The following MTSS1 variants were observed in gnomAD, a reference collection of about 807,000 sequenced individuals.
MTSS1 encodes protein MTSS 1.
MTSS1 carries 18 observed loss-of-function variants against 79.0 expected under a neutral mutation model. The ratio of observed to expected loss-of-function variants is 0.23; its 90% CI spans 0.16 to 0.34. MTSS1 has a LOEUF of 0.34. MTSS1 is among the 10% of genes least tolerant of loss of function. The pLI, the probability that MTSS1 is intolerant of heterozygous loss-of-function variation, is 1.00. For synonymous variants in MTSS1, 341 were observed against 368.6 expected (o/e 0.93, Z 0.86); for missense variants, 815 against 986.2 (o/e 0.83, Z 2.33).
In MTSS1 at chr8:124,589,830, A is replaced by T. The variant is rs1034442624; in HGVS notation, c.294-119T>A. 76 of 705,220 alleles carry T rather than the reference A, an allele frequency of 1.1e-4. No individual in the cohort carries two copies. The African/African-American group carries it at 1.3e-3, about 12-fold the overall frequency. The allele number at this position is 705,220 out of a possible 1,614,324, so 43.7% of individuals were successfully genotyped here. A position where few individuals can be genotyped will look rare whatever the true frequency, so the allele number is the denominator to read the frequency against. On this transcript the variant is annotated intron_variant, in intron 4 of 13. Coordinates refer to ENST00000518547, the MANE Select transcript of MTSS1 (RefSeq NM_014751.6). ...AATTACCCGAAACGTTCTCATCTAAACCCCGGGGCTCCAGAACAGCCATGT... is the reference window on the plus strand; with the variant it reads ...AATTACCCGAAACGTTCTCATCTAATCCCCGGGGCTCCAGAACAGCCATGT...
intron 3 of MTSS1, among the ~76,000 whole-genome samples, chr8:124,676,173 A>C (rs145981123): frequency 2.6e-5 from 4 of 152,382 alleles, no homozygotes; most frequent in African/African-American, 9.6e-5. Context: ...GGTATTGATT[A>C]ATAATTTGAT....
At chr8:124,645,344 G>C (rs991345659) in intron 3 of MTSS1, among the ~76,000 whole-genome samples, 5 of 152,266 alleles carry the variant, frequency 3.3e-5, no homozygotes, top group African/African-American at 1.2e-4. Flanking sequence ...CTATGATTGC[G>C]CTACTCATTC....
intron 6 of MTSS1, among the ~76,000 whole-genome samples, chr8:124,569,658 T>G (rs972808724): frequency 3.9e-5 from 6 of 152,248 alleles, no homozygotes; most frequent in Non-Finnish European, 5.9e-5. Flanking sequence ...GGCAGGATTT[T>G]GGTCTTTCCC....
intron 3 of MTSS1, among the ~76,000 whole-genome samples, chr8:124,624,786 G>A (rs1441605519): frequency 6.6e-6 from 1 of 152,244 alleles, no homozygotes; most frequent in Non-Finnish European, 1.5e-5. Context: ...CTGACTCAAA[G>A]AGGTGGATTT....
chr8:124,646,541 T>C (rs944958122), intron 3 of MTSS1, among the ~76,000 whole-genome samples: 1 of 152,190 alleles, frequency 6.6e-6, no homozygotes, highest in African/African-American at 2.4e-5. Flanking sequence ...AGACAACTTG[T>C]AAGAAATGCA....
At chr8:124,657,262 TG>T (rs1416077398) in intron 3 of MTSS1, among the ~76,000 whole-genome samples, 23 of 152,062 alleles carry the variant, frequency 1.5e-4, no homozygotes, top group Middle Eastern at 6.8e-3. Context: ...GGGGTTGGGC[TG>T]GGGGGCAACA....
At chr8:124,676,188 A>T (rs937023382) in intron 3 of MTSS1, among the ~76,000 whole-genome samples, 2 of 152,266 alleles carry the variant, frequency 1.3e-5, no homozygotes, top group Non-Finnish European at 2.9e-5. Flanking sequence ...TTTGATTTTT[A>T]AAAATTAATC....
In MTSS1 at chr8:124,715,312, T is replaced by C. The variant is rs564727535; in HGVS notation, c.73-11121A>G. The stretch of plus-strand genomic sequence containing the variant: ...CACATACCTCTGTATTCATTCCATA[T>C]TCCCTTTTTTATGTTCTTTTCTTTT... On this transcript the variant is annotated intron_variant, in intron 1 of 13. Transcript: ENST00000518547. Among the ~76,000 whole-genome samples, 5 of 152,230 alleles carry C rather than the reference T, an allele frequency of 3.3e-5. No individual in the cohort carries two copies. The East Asian group carries it at 9.6e-4, about 29-fold the overall frequency.
At position 124,728,051 on chromosome 8, in the gene MTSS1, G is replaced by A. The variant is rs896441821; in HGVS notation, c.-96C>T. On this transcript the variant is annotated 5_prime_UTR_variant, in exon 1 of 14. Transcript: ENST00000518547. The surrounding 1 kb of genome is among the most constrained non-coding windows in gnomAD (Gnocchi z 6.1). ...CACCCCAGAAGGAATTTCACCTTCC[G>A]AGAGACCCACCTCGGACTCGCAGCC... 16 of 1,092,750 alleles carry A rather than the reference G, an allele frequency of 1.5e-5. No homozygotes were observed. The East Asian group carries it at 3.5e-4, about 24-fold the overall frequency. 67.7% of individuals were successfully genotyped at this position (1,092,750 alleles called of 1,614,324 possible).
intron 3 of MTSS1, among the ~76,000 whole-genome samples, chr8:124,607,665 G>A (rs1245164176): frequency 1.3e-5 from 2 of 152,196 alleles, no homozygotes; most frequent in East Asian, 3.9e-4. Context: ...TTCAATGGAA[G>A]GGCATAACTG....
chr8:124,588,645 C>T (rs187637481), intron 5 of MTSS1, among the ~76,000 whole-genome samples: 25 of 152,306 alleles, frequency 1.6e-4, no homozygotes, highest in Non-Finnish European at 1.5e-5. Context: ...AAAAGTCTGG[C>T]TTTCAAAATG....
intron 3 of MTSS1, among the ~76,000 whole-genome samples, chr8:124,644,843 A>G (rs1587539617): frequency 6.6e-6 from 1 of 152,194 alleles, no homozygotes; most frequent in East Asian, 1.9e-4. Flanking sequence ...AAGAGGGCTT[A>G]AAACATTTTA....
chr8:124,573,891 A>G (rs1828401836), intron 6 of MTSS1, among the ~76,000 whole-genome samples: 2 of 151,612 alleles, frequency 1.3e-5, no homozygotes, highest in African/African-American at 4.9e-5. Context: ...TTATCCCCCC[A>G]CCCCAGGGGA....
chr8:124,560,924 G>A (rs1825141445), intron 10 of MTSS1, among the ~76,000 whole-genome samples: 1 of 152,132 alleles, frequency 6.6e-6, no homozygotes, highest in Non-Finnish European at 1.5e-5. Flanking sequence ...ACTCAGTAGA[G>A]AAATGAAGGG....
chr8:124,634,565 GGTCT>G (rs1490102594), intron 3 of MTSS1, among the ~76,000 whole-genome samples: 1 of 151,946 alleles, frequency 6.6e-6, no homozygotes, highest in East Asian at 1.9e-4. Context: ...ATTTGATTTT[GGTCT>G]GTCACCAAGG....
At chr8:124,624,218 G>A (rs1463462417) in intron 3 of MTSS1, among the ~76,000 whole-genome samples, 1 of 152,212 alleles carries the variant, frequency 6.6e-6, no homozygotes, top group Non-Finnish European at 1.5e-5. Flanking sequence ...GTGGACCATA[G>A]TCTGGAGGAG....
At chr8:124,581,857 A>G (rs1197525541) in intron 6 of MTSS1, among the ~76,000 whole-genome samples, 1 of 152,224 alleles carries the variant, frequency 6.6e-6, no homozygotes, top group East Asian at 1.9e-4. Context: ...AATACAATGT[A>G]AAACGCCTCT....
chr8:124,681,922 G>A (rs1416787262), intron 3 of MTSS1, among the ~76,000 whole-genome samples: 1 of 152,170 alleles, frequency 6.6e-6, no homozygotes, highest in African/African-American at 2.4e-5. Context: ...ATAAGCTAAC[G>A]ATTGAAGGCT....
chr8:124,640,657 C>T (rs576082327), intron 3 of MTSS1, among the ~76,000 whole-genome samples: 1 of 152,198 alleles, frequency 6.6e-6, no homozygotes, highest in Non-Finnish European at 1.5e-5. Flanking sequence ...TATTCTCTTG[C>T]CTCAGCCTCC....
Sources: gnomAD v4.1 joint callset for allele counts (sites outside exome capture counted in the v4.1 genomes callset) on GRCh38, gnomAD v4.1.1 for gene constraint, Gnocchi (gnomAD v3.1) non-coding constraint, MANE v1.5 for transcripts, NCBI Gene and HGNC (gene_info 2026-07-23, HGNC 2026-07-21) for gene names.